DENND5B: variants seen among roughly 807,000 people sequenced by gnomAD.
DENND5B encodes the protein DENN domain containing 5B.
A neutral mutation model predicts 140.6 loss-of-function variants in DENND5B; 34 were observed. The ratio of observed to expected loss-of-function variants is 0.24; its 90% CI spans 0.18 to 0.32. The LOEUF is 0.32. Among genes scored for constraint, DENND5B ranks in the 10% least tolerant of loss-of-function variants. The probability of loss-of-function intolerance (pLI) is 1.00; values close to 1 mark genes in which losing one functional copy is unlikely to be tolerated. For synonymous variants in DENND5B, 551 were observed against 562.1 expected, an observed-to-expected ratio of 0.98 and a Z score of 0.28; for missense variants, 1,142 against 1,560.2, an observed-to-expected ratio of 0.73 and a Z score of 4.52.
intron 1 of DENND5B, among the ~76,000 whole-genome samples, chr12:31,503,508 T>C (rs1947088040): frequency 6.6e-6 from 1 of 152,162 alleles, no homozygotes; most frequent in Non-Finnish European, 1.5e-5. Context: ...TGCAACGAGC[T>C]GTGATCCATT....
chr12:31,577,215 T>A (rs2139442765), intron 1 of DENND5B, among the ~76,000 whole-genome samples: 1 of 152,256 alleles, frequency 6.6e-6, no homozygotes, highest in Middle Eastern at 3.4e-3. Flanking sequence ...ATAGGATAAT[T>A]TCCTGTTTAA....
chr12:31,495,789 GA>G lies in DENND5B; in HGVS notation c.237+20del, dbSNP rs748592616. On this transcript the variant is annotated intron_variant, in intron 2 of 20. Coordinates refer to ENST00000389082, the MANE Select transcript of DENND5B (RefSeq NM_144973.4). The stretch of plus-strand genomic sequence containing the variant: ...GTGAAAACAAGGCTAAAGAGTAAAT[GA>G]GGGGAAAAAAAACACATACCATGTT... The G allele has an allele frequency of 6.4e-7, 1 of 1,561,324 alleles. No homozygotes were observed. Among genetic ancestry groups the G allele is most frequent in the South Asian group, 1.2e-5 (1 of 86,226 alleles).
chr12:31,535,541 C>T (rs551558129), intron 1 of DENND5B, among the ~76,000 whole-genome samples: 131 of 152,240 alleles, frequency 8.6e-4, no homozygotes, highest in African/African-American at 3.0e-3. Flanking sequence ...AGGTCTTATC[C>T]GAAACTACCA....
intron 11 of DENND5B, among the ~76,000 whole-genome samples, chr12:31,421,535 T>C (rs1298102396): frequency 7.1e-6 from 1 of 140,912 alleles, no homozygotes; most frequent in Admixed American, 8.2e-5. Flanking sequence ...TTTTAATACA[T>C]ATTTCATATT....
intron 4 of DENND5B, among the ~76,000 whole-genome samples, chr12:31,459,692 G>T (rs1168543584): frequency 6.6e-6 from 1 of 152,176 alleles, no homozygotes; most frequent in African/African-American, 2.4e-5. Context: ...ACCAAGCCAA[G>T]CTGACATTTA....
chr12:31,551,662 C>T (rs1034908294), intron 1 of DENND5B, among the ~76,000 whole-genome samples: 1 of 152,056 alleles, frequency 6.6e-6, no homozygotes. Flanking sequence ...GGCAGTATGG[C>T]CATTTTCACG....
In DENND5B at chr12:31,426,532, A is replaced by T; in HGVS notation, c.2107-108T>A. On this transcript the variant is annotated intron_variant, in intron 8 of 20. Coordinates refer to ENST00000389082, the MANE Select transcript of DENND5B (RefSeq NM_144973.4). ...ACAAATGAAATGCAAAAAAGTCCGT[A>T]AGTGTATGTGCATATAACAACAATT... is the stretch of plus-strand genomic sequence containing the variant. The T allele has an allele frequency of 2.4e-6, 3 of 1,272,042 alleles. No individual in the cohort carries two copies. The South Asian group carries it at 4.6e-5, about 19-fold the overall frequency. The allele number at this position is 1,272,042 out of a possible 1,614,324, so 78.8% of individuals were successfully genotyped here. A position where few individuals can be genotyped will look rare whatever the true frequency, so the allele number is the denominator to read the frequency against.
chr12:31,446,171 C>A (rs556667091), intron 6 of DENND5B, among the ~76,000 whole-genome samples: 1 of 151,980 alleles, frequency 6.6e-6, no homozygotes, highest in Admixed American at 6.6e-5. Context: ...TTTTTTGAGA[C>A]GGAGTCTTGC....
intron 1 of DENND5B, among the ~76,000 whole-genome samples, chr12:31,570,634 T>C (rs1052299426): frequency 2.0e-5 from 3 of 152,014 alleles, no homozygotes; most frequent in African/African-American, 7.3e-5. Flanking sequence ...TGGTTTCATT[T>C]ACTCAAAAAG....
intron 7 of DENND5B, among the ~76,000 whole-genome samples, chr12:31,436,059 A>G (rs1943739367): frequency 6.6e-6 from 1 of 151,700 alleles, no homozygotes. Context: ...TCAGCCTCCC[A>G]AAGTGCCGGG....
intron 1 of DENND5B, among the ~76,000 whole-genome samples, chr12:31,546,354 T>C (rs3850965): frequency 0.56 from 84,653 of 151,912 alleles, 24,044 homozygotes; most frequent in East Asian, 0.82. Flanking sequence ...ATATTTCTTT[T>C]CAACTCCTCC....
chr12:31,417,330 C>G (rs1281833042), intron 11 of DENND5B, among the ~76,000 whole-genome samples: 2 of 135,248 alleles, frequency 1.5e-5, no homozygotes, highest in East Asian at 4.4e-4. Flanking sequence ...GCACTCCAGC[C>G]TGGGTGACAG....
chr12:31,546,559 C>T (rs764502208), intron 1 of DENND5B, among the ~76,000 whole-genome samples: 3 of 152,014 alleles, frequency 2.0e-5, no homozygotes, highest in African/African-American at 4.8e-5. Flanking sequence ...TGGTGGTACG[C>T]GCCTGTAATC....
At chr12:31,450,156 G>T (rs1749544726) in intron 5 of DENND5B, among the ~76,000 whole-genome samples, 1 of 152,168 alleles carries the variant, frequency 6.6e-6, no homozygotes, top group African/African-American at 2.4e-5. Context: ...TTTCTCAAAC[G>T]TAAGTGCATC....
In DENND5B at chr12:31,387,297, C is replaced by T. The variant is rs1940897168; in HGVS notation, c.*306G>A. On this transcript the variant is annotated 3_prime_UTR_variant, in exon 21 of 21. Coordinates refer to ENST00000389082, the MANE Select transcript of DENND5B (RefSeq NM_144973.4). ...CCCCCCAACCCCCAACATTTTTAAG[C>T]TACTTATTTTAAGTCACAGGAATAT... 1 of 205,962 alleles carries T rather than the reference C, an allele frequency of 4.9e-6. No homozygotes were observed. The highest frequency in any genetic ancestry group is 9.7e-6 in the Non-Finnish European group (1 of 103,032). The allele number at this position is 205,962 out of a possible 1,614,324, so 12.8% of individuals were successfully genotyped here. A position where few individuals can be genotyped will look rare whatever the true frequency, so the allele number is the denominator to read the frequency against.
intron 1 of DENND5B, among the ~76,000 whole-genome samples, chr12:31,513,610 G>A (rs1483228994): frequency 1.3e-5 from 2 of 151,748 alleles, no homozygotes; most frequent in Non-Finnish European, 2.9e-5. Context: ...TCTTTTATTT[G>A]GCTCCTATGC....
At position 31,431,960 on chromosome 12, in the gene DENND5B, C is replaced by T. The variant is rs116877012; in HGVS notation, c.2106+1195G>A. On this transcript the variant is annotated intron_variant, in intron 8 of 20. Transcript: ENST00000389082. ...GTGAGGCATTCTAGAGCTATGTGCA[C>T]TCACACATGTGTAACATTCAAGTAA... is the stretch of plus-strand genomic sequence containing the variant. The T allele has an allele frequency of 3.0e-4, 204 of 688,672 alleles. 5 individuals are homozygous for T. In the East Asian group the frequency reaches 0.024, roughly 82 times the overall value. 42.7% of individuals were successfully genotyped at this position (688,672 alleles called of 1,614,324 possible).
intron 1 of DENND5B, among the ~76,000 whole-genome samples, chr12:31,505,146 A>G (rs1424943504): frequency 1.3e-5 from 2 of 151,980 alleles, no homozygotes; most frequent in African/African-American, 4.8e-5. Context: ...CTAACCCCTG[A>G]CTATATCGTA....
In DENND5B at chr12:31,590,922, GCGCCCGCCCTAGGGCGACACT is replaced by G; in HGVS notation, c.-111_-91del. 8.8e-7 allele frequency: 1 copy of G among 1,141,738 alleles called. No homozygotes were observed. Among genetic ancestry groups the G allele is most frequent in the Non-Finnish European group, 1.1e-6 (1 of 930,838 alleles). The allele number at this position is 1,141,738 out of a possible 1,614,324, so 70.7% of individuals were successfully genotyped here. ...CACCACCGCTCCGGCTGTGGTCTGT[GCGCCCGCCCTAGGGCGACACT>G]GGCGCGCCCATGGCCGCGCAGCCGC... On this transcript the variant is annotated 5_prime_UTR_variant, in exon 1 of 21. It removes the in-frame stop codon of an upstream open reading frame in the 5' UTR. Coordinates refer to ENST00000389082, the MANE Select transcript of DENND5B (RefSeq NM_144973.4).
Sources: gnomAD v4.1 joint callset for allele counts (sites outside exome capture counted in the v4.1 genomes callset) on GRCh38, gnomAD v4.1.1 for gene constraint, MANE v1.5 for transcripts, NCBI Gene and HGNC (gene_info 2026-07-23, HGNC 2026-07-21) for gene names.